The following CRACR2A variants were observed in gnomAD, a reference collection of about 807,000 sequenced individuals.
CRACR2A encodes calcium release activated channel regulator 2A.
In CRACR2A, 79 loss-of-function variants were observed where a neutral mutation model predicts 90.5. That is an observed-to-expected ratio of 0.87 (90% CI 0.73 to 1.05). The LOEUF (loss-of-function observed/expected upper bound fraction) is 1.05, where lower values mean the gene tolerates loss of function less well. Among genes scored for constraint, CRACR2A ranks in the 50% least tolerant of loss-of-function variants. CRACR2A has a pLI of 0.00. For missense variants in CRACR2A, 823 were observed against 897.2 expected (o/e 0.92, Z 1.06); for synonymous variants, 338 against 356.7 (o/e 0.95, Z 0.59).
At chr12:3,663,918 A>T (rs963977830) in intron 7 of CRACR2A, among the ~76,000 whole-genome samples, 1 of 152,196 alleles carries the variant, frequency 6.6e-6, no homozygotes, top group African/African-American at 2.4e-5. Flanking sequence ...TGCTTCTGCC[A>T]TTGGCGTTTT....
chr12:3,733,899 AC>A (rs1946398814), intron 1 of CRACR2A, among the ~76,000 whole-genome samples: 1 of 151,206 alleles, frequency 6.6e-6, no homozygotes, highest in Non-Finnish European at 1.5e-5. Flanking sequence ...ACACACACAC[AC>A]ACACACACAC....
At chr12:3,648,772 T>G (rs1944740534) in intron 10 of CRACR2A, among the ~76,000 whole-genome samples, 159 bp from the exon 11 acceptor site, 1 of 152,204 alleles carries the variant, frequency 6.6e-6, no homozygotes, top group Admixed American at 6.5e-5. Flanking sequence ...GCAAGTGCTT[T>G]GGGCATCACA....
chr12:3,626,372 T>G (rs1222767414), intron 17 of CRACR2A, among the ~76,000 whole-genome samples: 1 of 152,218 alleles, frequency 6.6e-6, no homozygotes, highest in African/African-American at 2.4e-5. Flanking sequence ...AGCATCCAGG[T>G]TATAGCAACG....
At chr12:3,644,449 T>C (rs1244400770) in intron 12 of CRACR2A, 146 bp downstream of exon 12, 1 of 824,440 alleles carries the variant, frequency 1.2e-6, no homozygotes, top group Non-Finnish European at 2.0e-6. Context: ...TGAATTTTTA[T>C]TATTTGCAAA....
intron 4 of CRACR2A, among the ~76,000 whole-genome samples, chr12:3,694,887 C>T (rs571230246): frequency 5.8e-4 from 88 of 152,284 alleles, no homozygotes; most frequent in Non-Finnish European, 8.5e-4. Context: ...GCCAAGTTAT[C>T]GGCTTGGTGG....
At chr12:3,673,327 G>T in intron 7 of CRACR2A, 119 bp downstream of exon 7, 1 of 1,252,044 alleles carries the variant, frequency 8.0e-7, no homozygotes. Flanking sequence ...TCCCCACTTT[G>T]GCAGACAGCA....
In CRACR2A at chr12:3,711,668, C is replaced by T. The variant is rs2137770236; in HGVS notation, c.-37+1569G>A. ...TTCTTCTGAGCCCTCACCAGAACCACCTTTAAAAGTCAGGTCATGGCAATG... is the reference window on the plus strand; with the variant it reads ...TTCTTCTGAGCCCTCACCAGAACCATCTTTAAAAGTCAGGTCATGGCAATG... On this transcript the variant is annotated intron_variant, in intron 3 of 19. Coordinates refer to ENST00000440314, the MANE Select transcript of CRACR2A (RefSeq NM_001144958.2). The surrounding 1 kb of genome is among the most constrained non-coding windows in gnomAD (Gnocchi z 4.3). Among the ~76,000 whole-genome samples, 1 of 152,300 alleles carries T rather than the reference C, an allele frequency of 6.6e-6. No individual in the cohort carries two copies. Among genetic ancestry groups the T allele is most frequent in the East Asian group, 1.9e-4 (1 of 5,192 alleles).
chr12:3,696,941 C>G lies in CRACR2A; in HGVS notation c.59G>C (p.Gly20Ala), dbSNP rs1376771522. Reference sequence around the variant, plus strand: ...GGCTCCACTCCCCTTTGGCCCCTGGCCAGACCCCTGACCAAGTCTCTGGGG... The same window carrying G: ...GGCTCCACTCCCCTTTGGCCCCTGGGCAGACCCCTGACCAAGTCTCTGGGG... ...SRPQRLGQGSGQGPKGSGACL... is the reference protein window; with the variant it reads ...SRPQRLGQGSAQGPKGSGACL... The change falls in exon 4 of 20, where the codon GGC becomes GCC. Residue 20 changes from glycine to alanine, a missense_variant. By Grantham distance (60) the Gly-to-Ala change is moderately conservative (BLOSUM62 0). Coordinates refer to ENST00000440314, the MANE Select transcript of CRACR2A (RefSeq NM_001144958.2). The G allele has an allele frequency of 6.2e-7, 1 of 1,614,174 alleles. No homozygotes were observed. The highest frequency in any genetic ancestry group is 1.7e-5 in the Admixed American group (1 of 60,030).
chr12:3,716,907 A>C (rs1283954587), intron 2 of CRACR2A, among the ~76,000 whole-genome samples: 1 of 150,670 alleles, frequency 6.6e-6, no homozygotes, highest in African/African-American at 2.4e-5. Context: ...GTGCTAAAAC[A>C]ATTTTGAAAT....
At chr12:3,728,302 T>A (rs914720800) in intron 2 of CRACR2A, 3 of 152,296 alleles carry the variant, frequency 2.0e-5, no homozygotes, top group Non-Finnish European at 4.4e-5. Flanking sequence ...GAAAAGCAAC[T>A]GACTCCCTCC....
intron 3 of CRACR2A, among the ~76,000 whole-genome samples, chr12:3,708,486 G>A (rs1449002855): frequency 1.3e-5 from 2 of 152,068 alleles, no homozygotes; most frequent in Non-Finnish European, 1.5e-5. Context: ...GTGCAGTGGC[G>A]CCATCTCGGC....
At chr12:3,698,189 T>C (rs1240737073) in intron 3 of CRACR2A, among the ~76,000 whole-genome samples, 1 of 152,240 alleles carries the variant, frequency 6.6e-6, no homozygotes, top group Non-Finnish European at 1.5e-5. Context: ...GATTTTTTTT[T>C]CCATCTGAAG....
At chr12:3,676,007 A>G (rs1201916866) in intron 6 of CRACR2A, among the ~76,000 whole-genome samples, 1 of 151,762 alleles carries the variant, frequency 6.6e-6, no homozygotes, top group Non-Finnish European at 1.5e-5. Context: ...GGTCATCTCT[A>G]ACACTTCATC....
Position 3,627,516 on chromosome 12 carries a change from C to T in CRACR2A, c.1852G>A (p.Ala618Thr), listed in dbSNP as rs774520978. 1.0e-5 allele frequency: 16 copies of T among 1,551,650 alleles called. No homozygotes were observed. The highest frequency in any genetic ancestry group is 1.4e-5 in the Non-Finnish European group (16 of 1,147,038). ...TCGTACATGACGATGACACCATCTG[C>T]CTTTCTGAAGAACTGCTGGGTGATG... ...RCITQQFFRK[A>T]DGVIVMYDLT... Residue 618 changes from alanine to threonine, a missense_variant, in exon 17 of 20, where the codon GCA becomes ACA. Coordinates refer to ENST00000440314, the MANE Select transcript of CRACR2A (RefSeq NM_001144958.2).
intron 4 of CRACR2A, among the ~76,000 whole-genome samples, chr12:3,681,342 C>A (rs1695416223): frequency 1.3e-5 from 2 of 152,182 alleles, no homozygotes; most frequent in Admixed American, 6.5e-5. Flanking sequence ...GGGGACTGGA[C>A]AAGATAGTGT....
intron 14 of CRACR2A, among the ~76,000 whole-genome samples, chr12:3,636,707 G>A (rs1944460127): frequency 6.6e-6 from 1 of 151,888 alleles, no homozygotes; most frequent in African/African-American, 2.4e-5. Context: ...TCTGTGCATT[G>A]AAGGGGATGT....
intron 9 of CRACR2A, 41 bp downstream of exon 9, chr12:3,656,270 G>A (rs747823175): frequency 2.5e-6 from 4 of 1,592,264 alleles, no homozygotes; most frequent in East Asian, 4.5e-5. Context: ...AAAGGAGAGA[G>A]TGAAGAGCCA....
intron 7 of CRACR2A, among the ~76,000 whole-genome samples, chr12:3,662,651 A>G (rs1945058605): frequency 6.6e-6 from 1 of 152,162 alleles, no homozygotes; most frequent in African/African-American, 2.4e-5. Flanking sequence ...GGCTGATGCA[A>G]TTGGGAAGAT....
intron 15 of CRACR2A, among the ~76,000 whole-genome samples, chr12:3,628,767 G>T (rs1214382907): frequency 6.6e-6 from 1 of 152,244 alleles, no homozygotes; most frequent in Non-Finnish European, 1.5e-5. Context: ...AAAGGCCTCT[G>T]GAGGGCTCAG....
Sources: gnomAD v4.1 joint callset for allele counts (sites outside exome capture counted in the v4.1 genomes callset) on GRCh38, gnomAD v4.1.1 for gene constraint, Gnocchi (gnomAD v3.1) non-coding constraint, MANE v1.5 for transcripts, NCBI Gene and HGNC (gene_info 2026-07-23, HGNC 2026-07-21) for gene names.